FGF13: variants seen among roughly 807,000 people sequenced by gnomAD.
FGF13 encodes fibroblast growth factor 13.
FGF13 carries 2 observed loss-of-function variants against 19.5 expected under a neutral mutation model. That is an observed-to-expected ratio of 0.10 (90% CI 0.04 to 0.32). FGF13 has a LOEUF of 0.32. FGF13 is among the 10% of genes least tolerant of loss of function. The probability of loss-of-function intolerance (pLI) is 1.00; values close to 1 mark genes in which losing one functional copy is unlikely to be tolerated. For synonymous variants in FGF13, 72 were observed against 76.9 expected, an observed-to-expected ratio of 0.94 and a Z score of 0.33; for missense variants, 113 against 192.7, an observed-to-expected ratio of 0.59 and a Z score of 2.45.
chrX:138,772,289 T>C (rs1188567589), intron 3 of FGF13, among the ~76,000 whole-genome samples: 1 of 108,710 alleles, frequency 9.2e-6, no homozygotes. Flanking sequence ...TTATCATCTT[T>C]ATTGTTGTTA....
chrX:138,886,119 C>T lies in FGF13; in HGVS notation c.-112-21469G>A, dbSNP rs151073746. 5.5e-3 allele frequency among the ~76,000 whole-genome samples: 610 copies of T among 111,729 alleles called. 5 individuals are homozygous for T. Among genetic ancestry groups the T allele is most frequent in the African/African-American group, 0.019 (582 of 30,713 alleles). On this transcript the variant is annotated intron_variant, in intron 1 of 2. Coordinates refer to the FGF13 transcript ENST00000421460. ...AAATACTTAAAGCTACCAATTCTGC[C>T]GGTCATGAGGGACAAGGCACTATAA...
At chrX:138,802,900 C>G (rs1030597107) in intron 3 of FGF13, among the ~76,000 whole-genome samples, 1 of 111,621 alleles carries the variant, frequency 9.0e-6, no homozygotes, top group African/African-American at 3.3e-5. Context: ...ACCTCAGACT[C>G]TTAATATTTG....
chrX:138,959,816 C>G (rs1402245717), intron 1 of FGF13, among the ~76,000 whole-genome samples: 1 of 111,491 alleles, frequency 9.0e-6, no homozygotes, highest in African/African-American at 3.3e-5. Context: ...GGTTTAAAGT[C>G]TGTTTTATCA....
chrX:138,661,718 G>A (rs1016052292), intron 3 of FGF13, among the ~76,000 whole-genome samples: 3 of 111,842 alleles, frequency 2.7e-5, no homozygotes, highest in African/African-American at 9.7e-5. Context: ...TAAGGGTATA[G>A]GAATAGTTGA....
chrX:139,171,114 GTC>G (rs1326849773), intron 1 of FGF13, among the ~76,000 whole-genome samples: 1 of 110,782 alleles, frequency 9.0e-6, no homozygotes, highest in African/African-American at 3.3e-5. Flanking sequence ...CCTTGATAAT[GTC>G]TTTATGCTTG....
rs1227532370 is a variant in FGF13 at position 138,625,516 on chromosome X, A to AATAT, written c.*7330_*7333dup. On this transcript the variant is annotated 3_prime_UTR_variant, in exon 5 of 5. Transcript: ENST00000315930. ...ATATATACATATATATATATAATAT[A>AATAT]ATATATATATATATCTTAGCCATAT... is the stretch of plus-strand genomic sequence containing the variant. The AATAT allele has an allele frequency of 1.2e-5, 1 of 84,647 alleles. No individual in the cohort carries two copies. The highest frequency in any genetic ancestry group is 5.6e-5 in the African/African-American group (1 of 17,930). The allele number at this position is 84,647 out of a possible 1,213,427, so 7.0% of individuals were successfully genotyped here.
chrX:138,815,074 T>G (rs779640558), intron 3 of FGF13, among the ~76,000 whole-genome samples: 1 of 111,113 alleles, frequency 9.0e-6, no homozygotes, highest in Non-Finnish European at 1.9e-5. Context: ...CATGTTAAGT[T>G]AAATAAGCTA....
At chrX:138,763,470 G>A (rs992808860) in intron 3 of FGF13, among the ~76,000 whole-genome samples, 8 of 112,033 alleles carry the variant, frequency 7.1e-5, no homozygotes, top group Non-Finnish European at 1.3e-4. Flanking sequence ...GTGCACAAAA[G>A]CGTGGCTTGT....
chrX:139,114,601 C>T (rs749554491), intron 1 of FGF13, among the ~76,000 whole-genome samples: 4 of 110,804 alleles, frequency 3.6e-5, no homozygotes, highest in Non-Finnish European at 5.7e-5. Context: ...ATCTGTTCAA[C>T]GAGGAAAAAA....
intron 1 of FGF13, among the ~76,000 whole-genome samples, chrX:139,181,041 C>T (rs1484469953): frequency 8.9e-6 from 1 of 112,235 alleles, no homozygotes; most frequent in Non-Finnish European, 1.9e-5. Flanking sequence ...ATCAGAAAGA[C>T]AAACCGATTC....
At chrX:138,633,744 A>G (rs946897944) in intron 4 of FGF13, among the ~76,000 whole-genome samples, 4 of 111,707 alleles carry the variant, frequency 3.6e-5, no homozygotes, top group African/African-American at 1.3e-4. Context: ...TGAGAATCTT[A>G]TAAGTACTCT....
At chrX:139,168,450 CA>C (rs2084103935) in intron 1 of FGF13, among the ~76,000 whole-genome samples, 1 of 111,152 alleles carries the variant, frequency 9.0e-6, no homozygotes, top group Non-Finnish European at 1.9e-5. Flanking sequence ...TGTATAGCAA[CA>C]AGTATATGTT....
chrX:138,982,852 C>G (rs1482068522), intron 1 of FGF13, among the ~76,000 whole-genome samples: 1 of 111,989 alleles, frequency 8.9e-6, no homozygotes, highest in Non-Finnish European at 1.9e-5. Flanking sequence ...TTTGCCTTTC[C>G]CTGTTGATTA....
chrX:138,833,834 T>C (rs2091091905), intron 3 of FGF13, among the ~76,000 whole-genome samples: 1 of 111,986 alleles, frequency 8.9e-6, no homozygotes, highest in South Asian at 3.7e-4. Flanking sequence ...TATATTCCTT[T>C]GATACCTAGG....
intron 1 of FGF13, among the ~76,000 whole-genome samples, chrX:139,007,835 G>T (rs766927227): frequency 5.3e-5 from 6 of 112,303 alleles, no homozygotes; most frequent in Non-Finnish European, 9.4e-5. Flanking sequence ...ACCACTGCAG[G>T]CTCCGTGAAA....
intron 1 of FGF13, among the ~76,000 whole-genome samples, chrX:138,901,776 GA>G (rs1387039878): frequency 1.8e-5 from 2 of 110,274 alleles, no homozygotes; most frequent in African/African-American, 3.3e-5. Flanking sequence ...AAATAAAACT[GA>G]GAGAGTTCAT....
At chrX:138,794,305 A>C (rs1368356807) in intron 3 of FGF13, among the ~76,000 whole-genome samples, 10 of 111,763 alleles carry the variant, frequency 8.9e-5, no homozygotes, top group Non-Finnish European at 1.9e-4. Flanking sequence ...ATAAGGATTA[A>C]ATTTTTTTAA....
At chrX:138,684,985 G>C (rs2089764837) in intron 3 of FGF13, among the ~76,000 whole-genome samples, 1 of 111,924 alleles carries the variant, frequency 8.9e-6, no homozygotes, top group Admixed American at 9.5e-5. Context: ...TAACTCATTT[G>C]AATTTAGAAT....
At chrX:138,871,907 G>A (rs762744882) in intron 1 of FGF13, among the ~76,000 whole-genome samples, 3 of 111,778 alleles carry the variant, frequency 2.7e-5, no homozygotes, top group South Asian at 3.8e-4. Flanking sequence ...TCTGACTGGC[G>A]GGCAGCCACT....
Sources: allele counts gnomAD v4.1 joint callset (sites outside exome capture counted in the v4.1 genomes callset), GRCh38; gene constraint gnomAD v4.1.1; transcripts MANE v1.5; gene names NCBI Gene and HGNC (gene_info 2026-07-23, HGNC 2026-07-21).